Variants in SLC35F4 observed in about 807,000 individuals in gnomAD.
The protein encoded by SLC35F4 is solute carrier family 35 member F4, also known as chromosome 14 open reading frame 36.
In SLC35F4, 24 loss-of-function variants were observed where a neutral mutation model predicts 44.2. The observed-to-expected ratio is 0.54, with a 90% CI of 0.39 to 0.76. The LOEUF is 0.76. Among genes scored for constraint, SLC35F4 ranks in the 30% least tolerant of loss-of-function variants. The pLI, the probability that SLC35F4 is intolerant of heterozygous loss-of-function variation, is 0.00. For missense variants in SLC35F4, 562 were observed against 586.1 expected (o/e 0.96, Z 0.42); for synonymous variants, 238 against 223.6 (o/e 1.06, Z -0.57).
chr14:57,859,814 G>A (rs749628237), intron 1 of SLC35F4, among the ~76,000 whole-genome samples: 37 of 152,180 alleles, frequency 2.4e-4, no homozygotes, highest in Admixed American at 2.1e-3. Context: ...AAGGGCAGAA[G>A]CTGAGGATAA....
At chr14:57,707,246 A>G (rs376985732) in intron 1 of SLC35F4, among the ~76,000 whole-genome samples, 143 of 152,268 alleles carry the variant, frequency 9.4e-4, no homozygotes, top group Middle Eastern at 3.4e-3. Flanking sequence ...CAAGCATGAT[A>G]ATGTGGTCTG....
chr14:57,738,204 G>T (rs66749055), intron 1 of SLC35F4, among the ~76,000 whole-genome samples: 18,515 of 152,170 alleles, frequency 0.12, 1,341 homozygotes, highest in South Asian at 0.19. Context: ...TCTGTTGATT[G>T]CAAAAACTTT....
intron 1 of SLC35F4, among the ~76,000 whole-genome samples, chr14:57,819,226 T>C (rs1242803368): frequency 6.6e-6 from 1 of 152,100 alleles, no homozygotes; most frequent in Non-Finnish European, 1.5e-5. Context: ...CACTCCTTTT[T>C]ACCCATAATA....
intron 1 of SLC35F4, among the ~76,000 whole-genome samples, chr14:57,705,889 G>C (rs1456986961): frequency 6.6e-6 from 1 of 151,858 alleles, no homozygotes; most frequent in Non-Finnish European, 1.5e-5. Context: ...CCTAACTAGA[G>C]GTTAGAAGAG....
At chr14:57,741,368 G>A (rs948295445) in intron 1 of SLC35F4, among the ~76,000 whole-genome samples, 1 of 152,076 alleles carries the variant, frequency 6.6e-6, no homozygotes, top group Admixed American at 6.6e-5. Flanking sequence ...TGACTAACTA[G>A]AATAAACAGC....
In SLC35F4 at chr14:57,644,941, C is replaced by A. The variant is rs950463887; in HGVS notation, c.104-50817G>T. 3.7e-4 allele frequency among the ~76,000 whole-genome samples: 57 copies of A among 152,174 alleles called. 1 individual carries two copies. The highest frequency in any genetic ancestry group is 3.4e-3 in the Middle Eastern group (1 of 294). On this transcript the variant is annotated intron_variant, in intron 1 of 7. Transcript: ENST00000556826. The stretch of plus-strand genomic sequence containing the variant: ...AGATCAGATAGTTGTAGATATGTGG[C>A]ATTATTTCTGAGAGCTCTGTTTTGT...
chr14:57,944,732 A>G (rs996105636), intron 1 of SLC35F4, among the ~76,000 whole-genome samples: 2 of 140,354 alleles, frequency 1.4e-5, no homozygotes, highest in African/African-American at 5.2e-5. Flanking sequence ...AGAAAGAAAG[A>G]AAGAAAGAAA....
At chr14:57,570,247 C>G (rs2068429846) in intron 5 of SLC35F4, among the ~76,000 whole-genome samples, 2 of 152,148 alleles carry the variant, frequency 1.3e-5, no homozygotes, top group Admixed American at 1.3e-4. Flanking sequence ...GTGCCACCAT[C>G]AGTGATGGGT....
chr14:57,829,137 G>A (rs1399002332), intron 1 of SLC35F4, among the ~76,000 whole-genome samples: 1 of 152,186 alleles, frequency 6.6e-6, no homozygotes, highest in Non-Finnish European at 1.5e-5. Flanking sequence ...CACCAAATGA[G>A]CTACACAGAC....
intron 1 of SLC35F4, among the ~76,000 whole-genome samples, chr14:57,798,275 AACACCTAGGTAGGTATC>A (rs1409835568): frequency 6.6e-6 from 1 of 152,186 alleles, no homozygotes; most frequent in Non-Finnish European, 1.5e-5. Flanking sequence ...TGAGAGGCTA[AACACCTAGGTAGGTATC>A]ACAGAACCTG....
chr14:57,829,720 A>G (rs1827903002), intron 1 of SLC35F4, among the ~76,000 whole-genome samples: 1 of 152,214 alleles, frequency 6.6e-6, no homozygotes, highest in Admixed American at 6.5e-5. Flanking sequence ...CGCTACTGCA[A>G]CAGGGGTTGT....
chr14:57,749,833 T>C (rs912370592), intron 1 of SLC35F4, among the ~76,000 whole-genome samples: 1 of 152,218 alleles, frequency 6.6e-6, no homozygotes, highest in Non-Finnish European at 1.5e-5. Context: ...GAATTGGAAC[T>C]TAATATTCAT....
chr14:57,572,325 A>T (rs924115339), intron 4 of SLC35F4, among the ~76,000 whole-genome samples: 2 of 152,054 alleles, frequency 1.3e-5, no homozygotes, highest in African/African-American at 4.8e-5. Flanking sequence ...AGGGACTAAC[A>T]TTTGTACTGG....
chr14:57,680,170 C>T (rs1272264836), intron 1 of SLC35F4, among the ~76,000 whole-genome samples: 2 of 152,058 alleles, frequency 1.3e-5, no homozygotes, highest in Non-Finnish European at 2.9e-5. Flanking sequence ...AAAAGCTTAT[C>T]CACCACGATC....
intron 1 of SLC35F4, among the ~76,000 whole-genome samples, chr14:57,844,460 C>A (rs930216285): frequency 6.6e-6 from 1 of 152,042 alleles, no homozygotes; most frequent in Non-Finnish European, 1.5e-5. Flanking sequence ...TAAATCATAG[C>A]GAGAGAAATT....
At chr14:57,880,086 AAGGAAGGAAGGAAGGAAG>A (rs2141032101) in intron 1 of SLC35F4, among the ~76,000 whole-genome samples, 1 of 122,302 alleles carries the variant, frequency 8.2e-6, no homozygotes, top group South Asian at 2.5e-4. Context: ...GGAAGGAAGG[AAGGAAGGAAGGAAGGAAG>A]GAAGGACAGT....
chr14:57,871,298 A>G (rs1888292778), intron 1 of SLC35F4, among the ~76,000 whole-genome samples: 1 of 152,186 alleles, frequency 6.6e-6, no homozygotes. Context: ...TAAGCCAAAG[A>G]TCTCCCCTGA....
At chr14:57,856,295 A>G (rs1887082593) in intron 1 of SLC35F4, among the ~76,000 whole-genome samples, 1 of 152,062 alleles carries the variant, frequency 6.6e-6, no homozygotes. Flanking sequence ...CATTCTGCAC[A>G]TGTACCCCAG....
At chr14:57,635,375 A>G (rs77283384) in intron 1 of SLC35F4, among the ~76,000 whole-genome samples, 22,016 of 151,852 alleles carry the variant, frequency 0.14, 1,845 homozygotes, top group East Asian at 0.22. Context: ...GAGGGGTCGG[A>G]GGGAGACTAA....
Sources: allele counts gnomAD v4.1 joint callset (sites outside exome capture counted in the v4.1 genomes callset), GRCh38; gene constraint gnomAD v4.1.1; transcripts MANE v1.5; gene names NCBI Gene and HGNC (gene_info 2026-07-23, HGNC 2026-07-21).